VPS37A: variants seen among roughly 807,000 people sequenced by gnomAD.
VPS37A encodes VPS37A subunit of ESCRT-I.
In VPS37A, 30 loss-of-function variants were observed where a neutral mutation model predicts 49.8. That is an observed-to-expected ratio of 0.60 (90% confidence interval 0.45 to 0.82). VPS37A has a LOEUF of 0.82. Ranked by LOEUF, VPS37A falls within the 40% of genes least tolerant of loss-of-function variation. The pLI, the probability that VPS37A is intolerant of heterozygous loss-of-function variation, is 0.00. For missense variants in VPS37A, 593 were observed against 464.4 expected, an observed-to-expected ratio of 1.28 and a Z score of -2.55; for synonymous variants, 195 against 160.6, an observed-to-expected ratio of 1.21 and a Z score of -1.62.
intron 11 of VPS37A, among the ~76,000 whole-genome samples, chr8:17,292,246 T>C (rs943317294): frequency 1.3e-5 from 2 of 152,198 alleles, no homozygotes; most frequent in Non-Finnish European, 2.9e-5. Flanking sequence ...TTTTTTGGTT[T>C]TTCTTGGTTT....
At chr8:17,315,654 G>A in the VPS37A span, among the ~76,000 whole-genome samples, 1 of 151,988 alleles carries the variant, frequency 6.6e-6, no homozygotes, top group Non-Finnish European at 1.5e-5. Context: ...TTAAAAACAT[G>A]ATAATGTAAC....
In VPS37A at chr8:17,295,773, T is replaced by G. The variant is rs978746010; in HGVS notation, c.*787T>G. 1.3e-5 allele frequency: 2 copies of G among 152,216 alleles called. No individual in the cohort carries two copies. The highest frequency in any genetic ancestry group is 2.9e-5 in the Non-Finnish European group (2 of 68,028). The allele number at this position is 152,216 out of a possible 1,614,324, so 9.4% of individuals were successfully genotyped here. On this transcript the variant is annotated 3_prime_UTR_variant, in exon 12 of 12. Coordinates refer to ENST00000324849, the MANE Select transcript of VPS37A (RefSeq NM_152415.3). ...CTAATGTTAAAAACAATCTTTATGT[T>G]AATATACACTAAATCTATACACAAA...
Position 17,296,593 on chromosome 8 carries a change from G to A in VPS37A, c.*1607G>A, listed in dbSNP as rs560157166. 1 of 152,204 alleles carries A rather than the reference G, an allele frequency of 6.6e-6. No individual in the cohort carries two copies. The highest frequency in any genetic ancestry group is 1.9e-4 in the East Asian group (1 of 5,180). The allele number at this position is 152,204 out of a possible 1,614,324, so 9.4% of individuals were successfully genotyped here. A position where few individuals can be genotyped will look rare whatever the true frequency, so the allele number is the denominator to read the frequency against. On this transcript the variant is annotated 3_prime_UTR_variant, in exon 12 of 12. Coordinates refer to ENST00000324849, the MANE Select transcript of VPS37A (RefSeq NM_152415.3). The stretch of plus-strand genomic sequence containing the variant: ...GTAGGTGTATCCCATAACAAGGGAG[G>A]AGCATACCACAGCCCCTCATTTGAT...
At chr8:17,315,414 C>CGT in the VPS37A span, among the ~76,000 whole-genome samples, 2 of 151,768 alleles carry the variant, frequency 1.3e-5, no homozygotes, top group African/African-American at 2.4e-5. Flanking sequence ...ATTTATTAAA[C>CGT]GTGTCAAAAC....
chr8:17,309,212 A>T, the VPS37A span: 2 of 1,092,860 alleles, frequency 1.8e-6, no homozygotes, highest in Non-Finnish European at 1.4e-6. Context: ...CTAAATATTC[A>T]ATTGAAATTT....
intron 1 of VPS37A, among the ~76,000 whole-genome samples, chr8:17,263,411 C>T (rs568849945): frequency 6.6e-6 from 1 of 152,116 alleles, no homozygotes; most frequent in African/African-American, 2.4e-5. Context: ...AATCAAAATG[C>T]ATTTCTAGAT....
the VPS37A span, among the ~76,000 whole-genome samples, chr8:17,327,976 A>G: frequency 6.6e-6 from 1 of 152,220 alleles, no homozygotes; most frequent in Non-Finnish European, 1.5e-5. Flanking sequence ...GAAAATACTT[A>G]TGAAGTGTGG....
Position 17,265,996 on chromosome 8 carries a change from A to C in VPS37A, c.200+15A>C, listed in dbSNP as rs1356532472. 6.3e-7 allele frequency: 1 copy of C among 1,599,424 alleles called. No homozygotes were observed. Among genetic ancestry groups the C allele is most frequent in the Non-Finnish European group, 8.5e-7 (1 of 1,173,520 alleles). On this transcript the variant is annotated intron_variant, in intron 2 of 11. Coordinates refer to ENST00000324849, the MANE Select transcript of VPS37A (RefSeq NM_152415.3). The stretch of plus-strand genomic sequence containing the variant: ...AACATTAATATGTGAGTAGAATTGT[A>C]TCCTACTTTTTCATGTAAAAGGACT...
chr8:17,319,557 AAAT>A, the VPS37A span, among the ~76,000 whole-genome samples: 2 of 152,122 alleles, frequency 1.3e-5, no homozygotes, highest in African/African-American at 2.4e-5. Flanking sequence ...GTTTTACCAG[AAAT>A]AATAATAATA....
At chr8:17,284,187 C>T (rs1301404320) in intron 9 of VPS37A, among the ~76,000 whole-genome samples, 1 of 152,186 alleles carries the variant, frequency 6.6e-6, no homozygotes, top group African/African-American at 2.4e-5. Context: ...ATATATCTAC[C>T]ACAGTGATTT....
chr8:17,289,525 T>C (rs780033832), intron 11 of VPS37A, among the ~76,000 whole-genome samples: 10 of 152,200 alleles, frequency 6.6e-5, no homozygotes, highest in East Asian at 1.9e-4. Flanking sequence ...TGTGGTGTTA[T>C]TTCTGAGGCC....
chr8:17,249,733 T>C (rs762385061), intron 1 of VPS37A, among the ~76,000 whole-genome samples: 1 of 152,224 alleles, frequency 6.6e-6, no homozygotes, highest in Non-Finnish European at 1.5e-5. Flanking sequence ...TTCTCATCAG[T>C]CATAAGGGGC....
At chr8:17,300,090 A>G (rs1817012514), downstream of VPS37A, 1 of 1,614,016 alleles carries the variant, frequency 6.2e-7, no homozygotes, top group Admixed American at 1.7e-5. Context: ...ATGATTTCAT[A>G]TTCCCACTGT....
intron 6 of VPS37A, among the ~76,000 whole-genome samples, chr8:17,277,199 A>T (rs1258070503): frequency 6.6e-6 from 1 of 152,064 alleles, no homozygotes; most frequent in Non-Finnish European, 1.5e-5. Context: ...AAAGAGTTTA[A>T]ATTTATTTGC....
chr8:17,296,417 G>C lies in VPS37A; in HGVS notation c.*1431G>C, dbSNP rs1159775223. ...CCTGATTTGTAGATAACTGAGGTAA[G>C]AGTGTTTCAAATTTATGATAGTCTT... On this transcript the variant is annotated 3_prime_UTR_variant, in exon 12 of 12. Transcript: ENST00000324849. 6.6e-6 allele frequency: 1 copy of C among 152,178 alleles called. No homozygotes were observed. The highest frequency in any genetic ancestry group is 1.5e-5 in the Non-Finnish European group (1 of 68,026). 9.4% of individuals were successfully genotyped at this position (152,178 alleles called of 1,614,324 possible).
In VPS37A at chr8:17,280,630, A is replaced by G. The variant is rs7007753; in HGVS notation, c.969+187A>G. 0.014 allele frequency among the ~76,000 whole-genome samples: 2,072 copies of G among 152,092 alleles called. 54 individuals carry two copies. The highest frequency in any genetic ancestry group is 0.048 in the African/African-American group (2,004 of 41,538). On this transcript the variant is annotated intron_variant, in intron 9 of 11. Transcript: ENST00000324849. ...GGCATCATACATTATTTGTGCTCAT[A>G]TAAGAGCGTATTTGTTTCTAAAACA...
At chr8:17,248,261 C>CTTTT in intron 1 of VPS37A, 25 of 396,938 alleles carry the variant, frequency 6.3e-5, no homozygotes, top group East Asian at 3.9e-4. Flanking sequence ...TCCCTAACCC[C>CTTTT]TTTTTTTTTT....
At chr8:17,251,226 G>A (rs962228555) in intron 1 of VPS37A, among the ~76,000 whole-genome samples, 3 of 152,162 alleles carry the variant, frequency 2.0e-5, no homozygotes, top group Non-Finnish European at 4.4e-5. Context: ...AGTGGGAGTT[G>A]GAGGGGAAGT....
chr8:17,292,894 C>A (rs1164672161), intron 11 of VPS37A, among the ~76,000 whole-genome samples: 1 of 152,126 alleles, frequency 6.6e-6, no homozygotes, highest in South Asian at 2.1e-4. Context: ...AACATTTTTT[C>A]CTTCATTTCA....
Sources: allele counts gnomAD v4.1 joint callset (sites outside exome capture counted in the v4.1 genomes callset), GRCh38; gene constraint gnomAD v4.1.1; transcripts MANE v1.5; gene names NCBI Gene and HGNC (gene_info 2026-07-23, HGNC 2026-07-21).